The following ABTB3 variants were observed in gnomAD, a reference collection of about 807,000 sequenced individuals.
ABTB3 encodes the protein ankyrin repeat- and BTB/POZ domain-containing protein 3.
chr12:107,655,977 T>C, the ABTB3 span, among the ~76,000 whole-genome samples: 1 of 152,048 alleles, frequency 6.6e-6, no homozygotes, highest in African/African-American at 2.4e-5. Context: ...AGGAGCTGTA[T>C]TCATCAGAAT....
the ABTB3 span, chr12:107,319,757 G>A: frequency 2.7e-6 from 4 of 1,506,742 alleles, no homozygotes; most frequent in African/African-American, 5.7e-5. Context: ...CTCCGGCCCA[G>A]GCCCGAGCTC....
the ABTB3 span, among the ~76,000 whole-genome samples, chr12:107,627,838 T>C: frequency 2.0e-5 from 3 of 152,306 alleles, no homozygotes; most frequent in Admixed American, 2.0e-4. Context: ...TAGGTAAAAA[T>C]ACCATCGATG....
the ABTB3 span, among the ~76,000 whole-genome samples, chr12:107,429,960 A>G: frequency 3.3e-5 from 5 of 152,206 alleles, no homozygotes; most frequent in Non-Finnish European, 7.3e-5. Context: ...TGTTCTAATT[A>G]TTTACTAATA....
chr12:107,476,585 C>A, the ABTB3 span, among the ~76,000 whole-genome samples: 1 of 151,888 alleles, frequency 6.6e-6, no homozygotes, highest in Non-Finnish European at 1.5e-5. Flanking sequence ...GTCACTAGAC[C>A]TCTGGGACAC....
chr12:107,553,665 G>C, the ABTB3 span, among the ~76,000 whole-genome samples: 2 of 152,096 alleles, frequency 1.3e-5, no homozygotes, highest in Non-Finnish European at 2.9e-5. Flanking sequence ...GAGACTGGGC[G>C]TGGTGGCTCA....
chr12:107,608,925 A>T, the ABTB3 span, among the ~76,000 whole-genome samples: 1 of 90,984 alleles, frequency 1.1e-5, no homozygotes, highest in African/African-American at 5.3e-5. Flanking sequence ...AATAAAATAA[A>T]ATAAAATAAA....
the ABTB3 span, among the ~76,000 whole-genome samples, chr12:107,602,531 T>TATCCAAAA: frequency 6.6e-6 from 1 of 152,232 alleles, no homozygotes; most frequent in African/African-American, 2.4e-5. Context: ...ATTTAATTCA[T>TATCCAAAA]ATCCAAAATC....
At chr12:107,335,719 TG>T in the ABTB3 span, among the ~76,000 whole-genome samples, 1 of 152,114 alleles carries the variant, frequency 6.6e-6, no homozygotes, top group Non-Finnish European at 1.5e-5. Context: ...CTTTGACCAA[TG>T]AGACAAGCTT....
At chr12:107,398,802 T>G in the ABTB3 span, among the ~76,000 whole-genome samples, 2 of 152,236 alleles carry the variant, frequency 1.3e-5, no homozygotes, top group African/African-American at 4.8e-5. Flanking sequence ...AGTAAATTGC[T>G]GTGTGCCATT....
At chr12:107,535,354 C>A in the ABTB3 span, among the ~76,000 whole-genome samples, 1 of 152,068 alleles carries the variant, frequency 6.6e-6, no homozygotes, top group Non-Finnish European at 1.5e-5. Context: ...AAAGCCTTTG[C>A]CCTAAGAAAT....
chr12:107,373,878 T>A, the ABTB3 span, among the ~76,000 whole-genome samples: 5 of 152,196 alleles, frequency 3.3e-5, no homozygotes, highest in Non-Finnish European at 7.3e-5. Flanking sequence ...GTGGGGGAAC[T>A]GAATGCACAG....
At chr12:107,522,802 GGGGAAGGGAA>G in the ABTB3 span, among the ~76,000 whole-genome samples, 7 of 147,048 alleles carry the variant, frequency 4.8e-5, no homozygotes, top group East Asian at 4.0e-4. Flanking sequence ...GAGGGAGGGA[GGGGAAGGGAA>G]GGGAAGGGAA....
At chr12:107,493,324 T>A in the ABTB3 span, among the ~76,000 whole-genome samples, 1 of 152,148 alleles carries the variant, frequency 6.6e-6, no homozygotes, top group Non-Finnish European at 1.5e-5. Flanking sequence ...ATGTGCAATG[T>A]GGAGGTGCTC....
the ABTB3 span, among the ~76,000 whole-genome samples, chr12:107,447,926 G>T: frequency 6.6e-6 from 1 of 152,198 alleles, no homozygotes; most frequent in Non-Finnish European, 1.5e-5. Context: ...GGTCCCAGGA[G>T]CCCTTGCGGC....
chr12:107,525,324 C>CA, the ABTB3 span, among the ~76,000 whole-genome samples: 3,404 of 34,874 alleles, frequency 0.098, 495 homozygotes, highest in Non-Finnish European at 0.15. Flanking sequence ...AAGATCCTGT[C>CA]AAAAAAAAAA....
At chr12:107,648,398 A>G in the ABTB3 span, among the ~76,000 whole-genome samples, 1 of 144,688 alleles carries the variant, frequency 6.9e-6, no homozygotes, top group Non-Finnish European at 1.5e-5. Flanking sequence ...ACACACACAC[A>G]CACACACACA....
chr12:107,372,331 G>A, the ABTB3 span, among the ~76,000 whole-genome samples: 3 of 152,176 alleles, frequency 2.0e-5, no homozygotes, highest in Non-Finnish European at 4.4e-5. Context: ...CAAGCTGAGA[G>A]TACATTTAAG....
chr12:107,359,992 CT>C, the ABTB3 span, among the ~76,000 whole-genome samples: 1 of 152,190 alleles, frequency 6.6e-6, no homozygotes, highest in African/African-American at 2.4e-5. Flanking sequence ...TCATTCCTTT[CT>C]TTTCTTCCTA....
chr12:107,503,854 C>T, the ABTB3 span, among the ~76,000 whole-genome samples: 1 of 151,184 alleles, frequency 6.6e-6, no homozygotes, highest in African/African-American at 2.4e-5. Context: ...AGAAAATGTC[C>T]AAAAAGGCTT....
Sources: gnomAD v4.1 joint callset for allele counts (sites outside exome capture counted in the v4.1 genomes callset) on GRCh38, gnomAD v4.1.1 for gene constraint, MANE v1.5 for transcripts, NCBI Gene and HGNC (gene_info 2026-07-23, HGNC 2026-07-21) for gene names.